CDH13: variants seen among roughly 807,000 people sequenced by gnomAD.
The protein encoded by CDH13 is cadherin 13.
CDH13 carries 24 observed loss-of-function variants against 63.8 expected under a neutral mutation model. The observed-to-expected ratio is 0.38, with a 90% confidence interval of 0.27 to 0.53. The LOEUF is 0.53. CDH13 is among the 20% of genes least tolerant of loss of function. The probability of loss-of-function intolerance (pLI) is 0.85; values close to 1 mark genes in which losing one functional copy is unlikely to be tolerated. For synonymous variants in CDH13, 503 were observed against 355.3 expected (o/e 1.42, Z -4.67); for missense variants, 1,049 against 903.1 (o/e 1.16, Z -2.07).
chr16:83,290,899 C>T (rs867563590), intron 5 of CDH13, among the ~76,000 whole-genome samples: 6 of 152,112 alleles, frequency 3.9e-5, no homozygotes, highest in African/African-American at 7.2e-5. Flanking sequence ...CCCATCTCTA[C>T]GCAGGGAACA....
rs374030525 is a variant in CDH13, at chr16:83,298,345, A to T, written c.637-46517A>T. ...GTGCAGGTAAAATATTATTTTTCTTAGAATGAAACCAAGCCAGCAAGAATA... is the reference window on the plus strand; with the variant it reads ...GTGCAGGTAAAATATTATTTTTCTTTGAATGAAACCAAGCCAGCAAGAATA... On this transcript the variant is annotated intron_variant, in intron 5 of 13. Transcript: ENST00000567109. Among the ~76,000 whole-genome samples the T allele has an allele frequency of 1.5e-3, 231 of 152,282 alleles. 6 individuals carry two copies. The South Asian group carries it at 0.046, about 30-fold the overall frequency.
chr16:82,703,590 C>G (rs755628560), intron 1 of CDH13, among the ~76,000 whole-genome samples: 7 of 152,180 alleles, frequency 4.6e-5, no homozygotes, highest in Non-Finnish European at 8.8e-5. Context: ...TTTCATATCA[C>G]TGCCTCCTGG....
At chr16:83,563,542 G>A (rs1398181558) in intron 7 of CDH13, among the ~76,000 whole-genome samples, 1 of 152,204 alleles carries the variant, frequency 6.6e-6, no homozygotes, top group Non-Finnish European at 1.5e-5. Context: ...TGGGAGTGGT[G>A]ACAGTTATCC....
intron 7 of CDH13, among the ~76,000 whole-genome samples, chr16:83,576,067 C>G (rs974302077): frequency 1.6e-4 from 24 of 152,220 alleles, no homozygotes; most frequent in Non-Finnish European, 2.1e-4. Flanking sequence ...TTAGTACTTT[C>G]ACGATGTTGT....
At chr16:83,375,873 A>T (rs111419114) in intron 6 of CDH13, among the ~76,000 whole-genome samples, 4,002 of 152,224 alleles carry the variant, frequency 0.026, 79 homozygotes, top group Non-Finnish European at 0.04. Flanking sequence ...GATGGCAGGG[A>T]GTAGAAAGGG....
In CDH13 at chr16:83,352,358, A is replaced by G. The variant is rs556701593; in HGVS notation, c.781+7352A>G. Among the ~76,000 whole-genome samples, 9 of 152,354 alleles carry G rather than the reference A, an allele frequency of 5.9e-5. No homozygotes were observed. The South Asian group carries it at 1.2e-3, about 21-fold the overall frequency. On this transcript the variant is annotated intron_variant, in intron 6 of 13. Coordinates refer to ENST00000567109, the MANE Select transcript of CDH13 (RefSeq NM_001257.5). ...TCAAGAGGAAAGCGAATGCTTATAC[A>G]TTGTTAGTGGAAATGTAAACAAATA...
At chr16:83,351,298 C>G (rs985711291) in intron 6 of CDH13, among the ~76,000 whole-genome samples, 47 of 109,934 alleles carry the variant, frequency 4.3e-4, no homozygotes, top group Non-Finnish European at 8.8e-4. Context: ...TTTTTTTTTC[C>G]TTAGGTAGAT....
At chr16:83,322,153 CA>C (rs2090243506) in intron 5 of CDH13, among the ~76,000 whole-genome samples, 1 of 152,130 alleles carries the variant, frequency 6.6e-6, no homozygotes, top group South Asian at 2.1e-4. Flanking sequence ...GTCAGGAGCA[CA>C]AAGAGGAGGG....
At chr16:82,998,023 T>A (rs1461524328) in intron 2 of CDH13, among the ~76,000 whole-genome samples, 1 of 152,200 alleles carries the variant, frequency 6.6e-6, no homozygotes, top group African/African-American at 2.4e-5. Context: ...AGAAAGAGAA[T>A]CTCAGAGTTG....
intron 1 of CDH13, among the ~76,000 whole-genome samples, chr16:82,691,991 A>C (rs1915690438): frequency 6.6e-6 from 1 of 152,218 alleles, no homozygotes; most frequent in Non-Finnish European, 1.5e-5. Context: ...CATGTAAAGC[A>C]TGTCTATCTT....
intron 2 of CDH13, among the ~76,000 whole-genome samples, chr16:82,892,500 T>G (rs1268105975): frequency 6.6e-6 from 1 of 152,172 alleles, no homozygotes; most frequent in Non-Finnish European, 1.5e-5. Context: ...ACCAAAAGTA[T>G]TTTTGGTAAA....
chr16:83,254,552 T>G (rs1054790527), intron 5 of CDH13, among the ~76,000 whole-genome samples: 2 of 152,242 alleles, frequency 1.3e-5, no homozygotes, highest in African/African-American at 2.4e-5. Flanking sequence ...GTGGCTGGCA[T>G]GCTGTCACCA....
chr16:82,854,441 A>G (rs2039612217), intron 1 of CDH13, among the ~76,000 whole-genome samples: 1 of 151,928 alleles, frequency 6.6e-6, no homozygotes, highest in African/African-American at 2.4e-5. Flanking sequence ...TCAGAAGACA[A>G]TAGCAGTAAC....
intron 7 of CDH13, among the ~76,000 whole-genome samples, chr16:83,561,248 A>G (rs2075702582): frequency 6.6e-6 from 1 of 151,720 alleles, no homozygotes; most frequent in South Asian, 2.1e-4. Context: ...GGAGTTTGAG[A>G]CCAGCCTGAC....
intron 2 of CDH13, among the ~76,000 whole-genome samples, chr16:82,990,993 T>C (rs979244656): frequency 3.9e-5 from 6 of 152,172 alleles, no homozygotes; most frequent in Non-Finnish European, 7.4e-5. Context: ...ACTCGTCTCA[T>C]TGGAAAAGAG....
chr16:82,763,841 C>A (rs2034947332), intron 1 of CDH13, among the ~76,000 whole-genome samples: 1 of 152,148 alleles, frequency 6.6e-6, no homozygotes, highest in Non-Finnish European at 1.5e-5. Flanking sequence ...CACCACCACG[C>A]CCAGGTAATT....
At chr16:82,654,395 A>G (rs553226723) in intron 1 of CDH13, among the ~76,000 whole-genome samples, 2 of 152,352 alleles carry the variant, frequency 1.3e-5, no homozygotes, top group East Asian at 1.9e-4. Flanking sequence ...AGCCAAGCAT[A>G]TAACATTGTG....
chr16:82,777,473 G>A (rs186435561), intron 1 of CDH13, among the ~76,000 whole-genome samples: 1 of 152,282 alleles, frequency 6.6e-6, no homozygotes, highest in Admixed American at 6.5e-5. Flanking sequence ...CAAGAGTTGT[G>A]CCCCTGGGTG....
At chr16:83,078,633 A>G (rs545955068) in intron 3 of CDH13, among the ~76,000 whole-genome samples, 41 of 152,320 alleles carry the variant, frequency 2.7e-4, no homozygotes, top group African/African-American at 9.4e-4. Context: ...GACCCCTGCT[A>G]TAAGCCACCA....
Sources: gnomAD v4.1 joint callset for allele counts (sites outside exome capture counted in the v4.1 genomes callset) on GRCh38, gnomAD v4.1.1 for gene constraint, MANE v1.5 for transcripts, NCBI Gene and HGNC (gene_info 2026-07-23, HGNC 2026-07-21) for gene names.